SPATA6L: variants seen among roughly 807,000 people sequenced by gnomAD.
The protein encoded by SPATA6L is spermatogenesis associated 6 like.
Under a neutral mutation model 49.2 loss-of-function variants are expected in SPATA6L, and 68 were observed. The ratio of observed to expected loss-of-function variants is 1.38; its 90% CI spans 1.14 to 1.69. The LOEUF (loss-of-function observed/expected upper bound fraction) is 1.69. Among genes scored for constraint, SPATA6L ranks in the 40% most tolerant of loss-of-function variants. SPATA6L has a pLI of 0.00. For missense variants in SPATA6L, 668 were observed against 464.3 expected (o/e 1.44, Z -4.03); for synonymous variants, 198 against 165.7 (o/e 1.19, Z -1.50).
chr9:4,645,037 G>C (rs2130668335), intron 3 of SPATA6L, among the ~76,000 whole-genome samples: 1 of 152,264 alleles, frequency 6.6e-6, no homozygotes, highest in Middle Eastern at 3.4e-3. Context: ...AAACAAATGA[G>C]TATGGCTATG....
downstream of SPATA6L, among the ~76,000 whole-genome samples, chr9:4,597,178 C>T (rs1466933236): frequency 1.3e-5 from 2 of 151,998 alleles, no homozygotes; most frequent in South Asian, 2.1e-4. Flanking sequence ...CTCGGAGGGG[C>T]GCAGTGGCTC....
intron 4 of SPATA6L, chr9:4,633,509 C>A: frequency 5.9e-6 from 1 of 169,286 alleles, no homozygotes; most frequent in East Asian, 1.4e-4. Context: ...GTAATAAAGC[C>A]CTTAAACAAA....
At chr9:4,629,435 C>T (rs1399345558) in intron 4 of SPATA6L, among the ~76,000 whole-genome samples, 3 of 151,968 alleles carry the variant, frequency 2.0e-5, no homozygotes, top group Non-Finnish European at 2.9e-5. Flanking sequence ...AGTATCTCCT[C>T]AACTAAGACA....
intron 3 of SPATA6L, among the ~76,000 whole-genome samples, chr9:4,651,500 T>C (rs1416449725): frequency 6.6e-6 from 1 of 152,148 alleles, no homozygotes; most frequent in Non-Finnish European, 1.5e-5. Flanking sequence ...ACAGATTCCA[T>C]GAAGTTAGCA....
intron 9 of SPATA6L, among the ~76,000 whole-genome samples, chr9:4,614,420 G>C (rs1416431642): frequency 2.6e-5 from 4 of 152,084 alleles, no homozygotes; most frequent in African/African-American, 9.7e-5. Flanking sequence ...TTGTGAACTG[G>C]ACACAGAGAA....
At chr9:4,636,331 ATAT>A (rs1832802614) in intron 3 of SPATA6L, among the ~76,000 whole-genome samples, 2 of 152,192 alleles carry the variant, frequency 1.3e-5, no homozygotes, top group African/African-American at 4.8e-5. Context: ...TACAATCAGA[ATAT>A]TATATTAATT....
chr9:4,627,301 G>C (rs1830534991), intron 5 of SPATA6L: 1 of 158,452 alleles, frequency 6.3e-6, no homozygotes, highest in Non-Finnish European at 1.4e-5. Context: ...ATAAATTGGA[G>C]AGAAGAGAGG....
At chr9:4,640,036 G>C (rs762646461) in intron 3 of SPATA6L, among the ~76,000 whole-genome samples, 9 of 152,210 alleles carry the variant, frequency 5.9e-5, no homozygotes, top group Non-Finnish European at 1.2e-4. Flanking sequence ...TGCTATGAAA[G>C]TATAAAATAT....
intron 4 of SPATA6L, 23 bp from the exon 5 acceptor site, chr9:4,629,191 C>T (rs776894231): frequency 6.5e-7 from 1 of 1,528,730 alleles, no homozygotes; most frequent in South Asian, 1.2e-5. Flanking sequence ...ATAAAAAAAG[C>T]AAATAAAATT....
intron 5 of SPATA6L, chr9:4,627,091 G>A (rs1430182556): frequency 6.6e-6 from 1 of 152,304 alleles, no homozygotes; most frequent in Non-Finnish European, 1.5e-5. Flanking sequence ...AGACAGTGTG[G>A]TGGCTCATGC....
chr9:4,647,636 A>C (rs962586728), intron 3 of SPATA6L, among the ~76,000 whole-genome samples: 1 of 152,088 alleles, frequency 6.6e-6, no homozygotes, highest in African/African-American at 2.4e-5. Context: ...AAAACTTTTT[A>C]AACTTTTCTT....
At chr9:4,652,212 G>A (rs1837059606) in intron 3 of SPATA6L, among the ~76,000 whole-genome samples, 1 of 151,786 alleles carries the variant, frequency 6.6e-6, no homozygotes, top group South Asian at 2.1e-4. Context: ...CCTGAGGCCG[G>A]GAGTTCAAGA....
At chr9:4,653,512 A>G (rs1010475679) in intron 3 of SPATA6L, among the ~76,000 whole-genome samples, 6 of 152,284 alleles carry the variant, frequency 3.9e-5, no homozygotes, top group Non-Finnish European at 7.3e-5. Context: ...ACTGAAATTC[A>G]TCAAAATTAA....
chr9:4,647,779 T>TA (rs893627818), intron 3 of SPATA6L, among the ~76,000 whole-genome samples: 1 of 151,060 alleles, frequency 6.6e-6, no homozygotes, highest in Non-Finnish European at 1.5e-5. Context: ...TTATAACAAT[T>TA]AAAAAATCAA....
chr9:4,647,845 T>TA (rs1835769242), intron 3 of SPATA6L, among the ~76,000 whole-genome samples: 1 of 151,776 alleles, frequency 6.6e-6, no homozygotes, highest in Non-Finnish European at 1.5e-5. Flanking sequence ...GTTTTTTTTT[T>TA]TTTTTTTGAA....
intron 8 of SPATA6L, among the ~76,000 whole-genome samples, chr9:4,618,570 T>C (rs919295557): frequency 1.3e-5 from 2 of 152,196 alleles, no homozygotes; most frequent in African/African-American, 4.8e-5. Flanking sequence ...CCTCTATGTA[T>C]AAAATTATTT....
intron 9 of SPATA6L, among the ~76,000 whole-genome samples, chr9:4,607,455 AC>A (rs1825570549): frequency 6.6e-6 from 1 of 152,218 alleles, no homozygotes; most frequent in Non-Finnish European, 1.5e-5. Flanking sequence ...CTTGGCAGAA[AC>A]CCTACAAGCC....
At chr9:4,605,048 T>C (rs1564116040) in intron 10 of SPATA6L, among the ~76,000 whole-genome samples, 1 of 152,114 alleles carries the variant, frequency 6.6e-6, no homozygotes, top group Non-Finnish European at 1.5e-5. Context: ...GCCTGTCTTC[T>C]CTCAGTCCTT....
chr9:4,612,864 G>T (rs957989265), intron 9 of SPATA6L, among the ~76,000 whole-genome samples: 4 of 152,112 alleles, frequency 2.6e-5, no homozygotes, highest in Non-Finnish European at 4.4e-5. Context: ...GTATAACTAA[G>T]CTGAAAGTGT....
Sources: allele counts gnomAD v4.1 joint callset (sites outside exome capture counted in the v4.1 genomes callset), GRCh38; gene constraint gnomAD v4.1.1; transcripts MANE v1.5; gene names NCBI Gene and HGNC (gene_info 2026-07-23, HGNC 2026-07-21).